Variants in MAST4 observed in about 807,000 individuals in gnomAD.
MAST4 encodes microtubule associated serine/threonine kinase family member 4, also known as microtubule-associated serine/threonine-protein kinase 4.
A neutral mutation model predicts 162.7 loss-of-function variants in MAST4; 89 were observed. That is an observed-to-expected ratio of 0.55 (90% CI 0.46 to 0.65). The LOEUF (loss-of-function observed/expected upper bound fraction) is 0.65, where lower values mean the gene tolerates loss of function less well. MAST4 is among the 30% of genes least tolerant of loss of function. The probability of loss-of-function intolerance (pLI) is 0.00; values close to 1 mark genes in which losing one functional copy is unlikely to be tolerated. For synonymous variants in MAST4, 1,479 were observed against 1,361.1 expected (o/e 1.09, Z -1.91); for missense variants, 3,153 against 3,374.0 (o/e 0.93, Z 1.62).
Position 67,110,098 on chromosome 5 carries a change from G to T in MAST4, c.1357G>T (p.Ala453Ser). 2.5e-6 allele frequency: 4 copies of T among 1,610,040 alleles called. No individual in the cohort carries two copies. The highest frequency in any genetic ancestry group is 2.5e-6 in the Non-Finnish European group (3 of 1,176,492). The change falls in exon 11 of 29, where the codon GCT becomes TCT. Residue 453 changes from alanine (A) to serine (S), a missense_variant and splice_region_variant. Ala to Ser is a moderately conservative substitution (Grantham distance 99). This residue lies in a region of MAST4 where 360 missense variants were observed against 450.0 expected (regional missense o/e 0.80). Coordinates refer to ENST00000403625, the MANE Select transcript of MAST4 (RefSeq NM_001164664.2). ...CACTCTCTTTATTGCTTTTTCATAG[G>T]CTCATGATCGTTCAGAAAGTGGAGA... The part of the protein sequence containing the change: ...QHKLDKLLQE[A>S]HDRSESGELA...
At chr5:67,017,936 G>A (rs1180451301) in intron 4 of MAST4, among the ~76,000 whole-genome samples, 1 of 152,118 alleles carries the variant, frequency 6.6e-6, no homozygotes, top group Non-Finnish European at 1.5e-5. Context: ...CATAGATTGA[G>A]CAGTTTGATA....
At chr5:66,780,447 CAG>C (rs1361063875) in intron 2 of MAST4, among the ~76,000 whole-genome samples, 1 of 152,242 alleles carries the variant, frequency 6.6e-6, no homozygotes, top group African/African-American at 2.4e-5. Flanking sequence ...CAGATATGTC[CAG>C]AGTTTCTTCC....
At chr5:66,736,077 G>C (rs1249394370) in intron 1 of MAST4, among the ~76,000 whole-genome samples, 1 of 152,156 alleles carries the variant, frequency 6.6e-6, no homozygotes, top group Non-Finnish European at 1.5e-5. Flanking sequence ...CAGATATCCT[G>C]TTTCAAAGCT....
intron 3 of MAST4, among the ~76,000 whole-genome samples, chr5:66,792,882 G>A (rs1755480621): frequency 6.6e-6 from 1 of 152,050 alleles, no homozygotes; most frequent in African/African-American, 2.4e-5. Context: ...AGTATGGGGG[G>A]GATTGGAAAA....
chr5:66,730,739 T>G (rs1444352553), intron 1 of MAST4, among the ~76,000 whole-genome samples: 2 of 145,026 alleles, frequency 1.4e-5, no homozygotes, highest in Non-Finnish European at 3.0e-5. Flanking sequence ...ATACCCCTTA[T>G]GCCTACCTAC....
At chr5:67,125,683 T>A (rs1489124943) in intron 14 of MAST4, among the ~76,000 whole-genome samples, 3 of 152,188 alleles carry the variant, frequency 2.0e-5, no homozygotes, top group African/African-American at 7.2e-5. Context: ...TCCAAGTCTT[T>A]GCTATTGTGA....
intron 5 of MAST4, among the ~76,000 whole-genome samples, chr5:67,056,996 C>G (rs1758912893): frequency 6.6e-6 from 1 of 152,166 alleles, no homozygotes; most frequent in African/African-American, 2.4e-5. Context: ...AGCCACCGCA[C>G]CGCACCCAGC....
chr5:67,133,738 T>A, intron 17 of MAST4, 92 bp downstream of exon 17: 2 of 1,373,982 alleles, frequency 1.5e-6, no homozygotes, highest in Non-Finnish European at 2.0e-6. Flanking sequence ...CATCTTCACA[T>A]TAGTGCTGGT....
chr5:67,069,612 A>T (rs1404810342), intron 5 of MAST4, among the ~76,000 whole-genome samples: 1 of 152,088 alleles, frequency 6.6e-6, no homozygotes, highest in Non-Finnish European at 1.5e-5. Context: ...GCATCTGAGG[A>T]TGGATGTGCC....
chr5:66,801,684 T>A (rs1412727282), intron 3 of MAST4, among the ~76,000 whole-genome samples: 3 of 152,210 alleles, frequency 2.0e-5, no homozygotes, highest in Non-Finnish European at 4.4e-5. Flanking sequence ...AGGTTTATTT[T>A]ATTTTTAAGT....
chr5:66,693,625 ATAAAGTGCTAGATGCCAT>A (rs1749195732), intron 1 of MAST4, among the ~76,000 whole-genome samples: 1 of 152,154 alleles, frequency 6.6e-6, no homozygotes, highest in African/African-American at 2.4e-5. Flanking sequence ...AGATTATAAA[ATAAAGTGCTAGATGCCAT>A]CAAATCTCTT....
At chr5:67,156,159 G>T (rs569169326) in intron 26 of MAST4, among the ~76,000 whole-genome samples, 1 of 151,882 alleles carries the variant, frequency 6.6e-6, no homozygotes, top group Admixed American at 6.6e-5. Flanking sequence ...GGGAATAAAC[G>T]CATGTAATCC....
intron 26 of MAST4, among the ~76,000 whole-genome samples, chr5:67,157,676 G>A (rs186271511): frequency 4.6e-5 from 7 of 152,274 alleles, no homozygotes; most frequent in East Asian, 1.9e-4. Flanking sequence ...GCGGGGTTTG[G>A]TAGGAGGAGC....
At chr5:66,806,327 A>T (rs1035833847) in intron 3 of MAST4, among the ~76,000 whole-genome samples, 2 of 152,208 alleles carry the variant, frequency 1.3e-5, no homozygotes, top group Non-Finnish European at 2.9e-5. Flanking sequence ...TCTGCATCTG[A>T]TATGAAGTTA....
At chr5:66,695,702 A>G (rs528285429) in intron 1 of MAST4, among the ~76,000 whole-genome samples, 2 of 152,176 alleles carry the variant, frequency 1.3e-5, no homozygotes, top group South Asian at 4.1e-4. Flanking sequence ...TGAAGAAACA[A>G]CAGATGCTGG....
intron 1 of MAST4, among the ~76,000 whole-genome samples, chr5:66,703,546 G>A: frequency 6.6e-6 from 1 of 152,160 alleles, no homozygotes; most frequent in Non-Finnish European, 1.5e-5. Context: ...CTATAGGGAT[G>A]CAGCAATGGA....
chr5:66,919,169 G>A (rs201408190), intron 4 of MAST4, among the ~76,000 whole-genome samples: 15 of 149,628 alleles, frequency 1.0e-4, no homozygotes, highest in Admixed American at 8.0e-4. Flanking sequence ...TTTAATAGTC[G>A]TATAATTCAC....
chr5:66,826,348 A>G (rs1389050985), intron 3 of MAST4, among the ~76,000 whole-genome samples: 1 of 152,008 alleles, frequency 6.6e-6, no homozygotes, highest in South Asian at 2.1e-4. Context: ...TAAGAAACAT[A>G]CTTTTCGTCC....
chr5:67,043,383 C>T (rs920973517), intron 4 of MAST4, among the ~76,000 whole-genome samples: 2 of 152,080 alleles, frequency 1.3e-5, no homozygotes, highest in Non-Finnish European at 2.9e-5. Context: ...AAGCCAATGA[C>T]CATTTCATAA....
Sources: gnomAD v4.1 joint callset for allele counts (sites outside exome capture counted in the v4.1 genomes callset) on GRCh38, gnomAD v4.1.1 for gene constraint, gnomAD v4.1.1 regional missense constraint, MANE v1.5 for transcripts, NCBI Gene and HGNC (gene_info 2026-07-23, HGNC 2026-07-21) for gene names.